Variants in ANTXR1 observed in about 807,000 individuals in gnomAD.
ANTXR1 encodes the protein ANTXR cell adhesion molecule 1, also known as anthrax toxin receptor 1.
In ANTXR1, 19 loss-of-function variants were observed where a neutral mutation model predicts 78.1. The ratio of observed to expected loss-of-function variants is 0.24; its 90% CI spans 0.17 to 0.36. The LOEUF is 0.36. Among genes scored for constraint, ANTXR1 ranks in the 10% least tolerant of loss-of-function variants. The probability of loss-of-function intolerance (pLI) is 1.00; values close to 1 mark genes in which losing one functional copy is unlikely to be tolerated. For synonymous variants in ANTXR1, 273 were observed against 260.5 expected, an observed-to-expected ratio of 1.05 and a Z score of -0.46; for missense variants, 518 against 718.6, an observed-to-expected ratio of 0.72 and a Z score of 3.19.
At position 69,039,896 on chromosome 2, in the gene ANTXR1, A is replaced by T. The variant is rs60873308; in HGVS notation, c.153-148A>T. 12,826 of 681,842 alleles carry T rather than the reference A, an allele frequency of 0.019. 1,237 individuals are homozygous for T. The African/African-American group carries it at 0.21, about 11-fold the overall frequency. The allele number at this position is 681,842 out of a possible 1,614,324, so 42.2% of individuals were successfully genotyped here. On this transcript the variant is annotated intron_variant, in intron 1 of 17. Transcript: ENST00000303714. ...TAACAGAAAGTTGAAACAGCCTTTC[A>T]AATAATTTCCAAAGTTACAGAAGTT...
intron 8 of ANTXR1, among the ~76,000 whole-genome samples, chr2:69,086,644 T>C (rs888976152): frequency 7.3e-6 from 1 of 137,464 alleles, no homozygotes; most frequent in Non-Finnish European, 1.6e-5. Flanking sequence ...AGGCCAGGGG[T>C]GGGCGATGGG....
chr2:69,058,277 A>G (rs1670126577), intron 3 of ANTXR1, among the ~76,000 whole-genome samples: 1 of 152,240 alleles, frequency 6.6e-6, no homozygotes, highest in Middle Eastern at 3.2e-3. Flanking sequence ...ACTTTCATAG[A>G]TAGAAAGAAG....
At chr2:69,142,534 T>C (rs1333938461) in intron 12 of ANTXR1, among the ~76,000 whole-genome samples, 1 of 152,244 alleles carries the variant, frequency 6.6e-6, no homozygotes, top group Non-Finnish European at 1.5e-5. Context: ...TGGTATTTAC[T>C]GGTCTCTGTT....
At chr2:69,083,146 A>G (rs963382459) in intron 8 of ANTXR1, among the ~76,000 whole-genome samples, 1 of 152,196 alleles carries the variant, frequency 6.6e-6, no homozygotes, top group Non-Finnish European at 1.5e-5. Context: ...GCTGTGATAA[A>G]AGGTGAAATC....
rs1676059837 is a variant in ANTXR1 at position 69,248,079 on chromosome 2, A to G, written c.*2594A>G. 1 of 166,940 alleles carries G rather than the reference A, an allele frequency of 6.0e-6. No homozygotes were observed. Among genetic ancestry groups the G allele is most frequent in the South Asian group, 2.1e-4 (1 of 4,834 alleles). 10.3% of individuals were successfully genotyped at this position (166,940 alleles called of 1,614,324 possible). ...ATAGTGGGCTATTACAGGCAGGAAA[A>G]TGTTTTAACTGGTTTACAAAATCCA... On this transcript the variant is annotated 3_prime_UTR_variant, in exon 18 of 18. Coordinates refer to ENST00000303714, the MANE Select transcript of ANTXR1 (RefSeq NM_032208.3).
At chr2:69,206,581 G>A (rs965347345) in intron 17 of ANTXR1, among the ~76,000 whole-genome samples, 2 of 152,234 alleles carry the variant, frequency 1.3e-5, no homozygotes, top group South Asian at 4.1e-4. Flanking sequence ...TGAGTGTGTA[G>A]TGGGAGCAAG....
chr2:69,205,004 G>A (rs1674861466), intron 17 of ANTXR1, among the ~76,000 whole-genome samples: 1 of 152,154 alleles, frequency 6.6e-6, no homozygotes, highest in Non-Finnish European at 1.5e-5. Context: ...TCTCCAGCAG[G>A]CACCAAGCTA....
intron 9 of ANTXR1, among the ~76,000 whole-genome samples, chr2:69,100,303 T>C (rs1671565276): frequency 6.6e-6 from 1 of 152,214 alleles, no homozygotes; most frequent in Admixed American, 6.5e-5. Context: ...TTTGAGCTCT[T>C]CTGGTAACCA....
intron 10 of ANTXR1, 129 bp downstream of exon 10, chr2:69,103,069 C>G: frequency 1.0e-6 from 1 of 989,954 alleles, no homozygotes; most frequent in South Asian, 1.3e-5. Context: ...TGGAAAGACC[C>G]CCAGCAAGGG....
At chr2:69,223,047 C>T (rs1675360337) in intron 17 of ANTXR1, among the ~76,000 whole-genome samples, 1 of 152,112 alleles carries the variant, frequency 6.6e-6, no homozygotes, top group Non-Finnish European at 1.5e-5. Context: ...TTTTGGGGAC[C>T]CTGAGGTCCA....
intron 3 of ANTXR1, among the ~76,000 whole-genome samples, chr2:69,053,951 T>C (rs999116250): frequency 3.3e-5 from 5 of 152,236 alleles, no homozygotes; most frequent in Admixed American, 6.5e-5. Flanking sequence ...TTGTTTCTTA[T>C]CTGTGTAATA....
intron 17 of ANTXR1, among the ~76,000 whole-genome samples, chr2:69,223,694 G>A (rs980949506): frequency 3.3e-5 from 5 of 152,216 alleles, no homozygotes; most frequent in Non-Finnish European, 7.3e-5. Flanking sequence ...TTTGCTTAAA[G>A]TGAAGAAGGT....
At chr2:69,236,588 C>G (rs988218201) in intron 17 of ANTXR1, among the ~76,000 whole-genome samples, 1 of 152,096 alleles carries the variant, frequency 6.6e-6, no homozygotes, top group African/African-American at 2.4e-5. Context: ...AATATATTAT[C>G]AAAAACTGTT....
intron 13 of ANTXR1, among the ~76,000 whole-genome samples, chr2:69,152,950 A>T (rs550184121): frequency 6.6e-6 from 1 of 152,182 alleles, no homozygotes; most frequent in Non-Finnish European, 1.5e-5. Context: ...CCAAATGGTA[A>T]ATGTCTGGCT....
rs533360830 is a variant in ANTXR1, at chr2:69,153,403, C to T, written c.1047+1139C>T. Among the ~76,000 whole-genome samples, 11 of 152,106 alleles carry T rather than the reference C, an allele frequency of 7.2e-5. No homozygotes were observed. The East Asian group carries it at 2.1e-3, about 29-fold the overall frequency. The stretch of plus-strand genomic sequence containing the variant: ...TGGCAAATGAGTGAGATGGGAAGCT[C>T]AACCAGGATGTGGACCATATGGCAG... On this transcript the variant is annotated intron_variant, in intron 13 of 17. Coordinates refer to ENST00000303714, the MANE Select transcript of ANTXR1 (RefSeq NM_032208.3).
chr2:69,216,374 C>T (rs1675174914), intron 17 of ANTXR1, among the ~76,000 whole-genome samples: 2 of 152,110 alleles, frequency 1.3e-5, no homozygotes, highest in African/African-American at 4.8e-5. Context: ...ACCAAACATG[C>T]ACATACACAT....
chr2:69,123,170 G>C (rs1672409260), intron 11 of ANTXR1, 84 bp downstream of exon 11: 1 of 1,412,044 alleles, frequency 7.1e-7, no homozygotes, highest in African/African-American at 1.4e-5. Context: ...AAAGCATCTA[G>C]AGAAAGTGGA....
intron 9 of ANTXR1, among the ~76,000 whole-genome samples, chr2:69,092,945 C>T (rs1188478578): frequency 6.6e-6 from 1 of 152,104 alleles, no homozygotes; most frequent in Non-Finnish European, 1.5e-5. Flanking sequence ...AAGGGAGTTC[C>T]TTGACTGCAA....
chr2:69,045,277 T>C (rs1431662605), intron 3 of ANTXR1, among the ~76,000 whole-genome samples: 2 of 152,058 alleles, frequency 1.3e-5, no homozygotes, highest in Non-Finnish European at 2.9e-5. Context: ...TACCACAAAA[T>C]AAAAGGAAAT....
Sources: allele counts gnomAD v4.1 joint callset (sites outside exome capture counted in the v4.1 genomes callset), GRCh38; gene constraint gnomAD v4.1.1; transcripts MANE v1.5; gene names NCBI Gene and HGNC (gene_info 2026-07-23, HGNC 2026-07-21).